Variants in WFDC8 observed in about 807,000 individuals in gnomAD.
The protein encoded by WFDC8 is WAP four-disulfide core domain 8.
Under a neutral mutation model 27.0 loss-of-function variants are expected in WFDC8, and 24 were observed. That is an observed-to-expected ratio of 0.89 (90% CI 0.64 to 1.25). The LOEUF (loss-of-function observed/expected upper bound fraction) is 1.25. Ranked by LOEUF, WFDC8 falls within the 50% of genes most tolerant of loss-of-function variation. The probability of loss-of-function intolerance (pLI) is 0.00; values close to 1 mark genes in which losing one functional copy is unlikely to be tolerated. For synonymous variants in WFDC8, 106 were observed against 99.7 expected (o/e 1.06, Z -0.38); for missense variants, 287 against 295.9 (o/e 0.97, Z 0.22).
intron 1 of WFDC8, among the ~76,000 whole-genome samples, chr20:45,571,646 G>A (rs1223939114): frequency 6.6e-6 from 1 of 151,998 alleles, no homozygotes; most frequent in East Asian, 1.9e-4. Flanking sequence ...CTGACCCCTG[G>A]CAACGGCCTC....
At chr20:45,568,727 G>A in intron 1 of WFDC8, 1 of 524,286 alleles carries the variant, frequency 1.9e-6, no homozygotes. Flanking sequence ...TGTGAGAGCA[G>A]ATGGTGACCC....
At chr20:45,572,912 A>C (rs1980919184) in intron 1 of WFDC8, among the ~76,000 whole-genome samples, 2 of 152,178 alleles carry the variant, frequency 1.3e-5, no homozygotes, top group Admixed American at 6.5e-5. Context: ...CAGCCTTTGT[A>C]TGCCTTCTTT....
At chr20:45,558,152 T>TGGCGGGG (rs1198025104) in intron 3 of WFDC8, among the ~76,000 whole-genome samples, 1 of 152,138 alleles carries the variant, frequency 6.6e-6, no homozygotes, top group Non-Finnish European at 1.5e-5. Context: ...AGTCATAGAA[T>TGGCGGGG]TGCCCCCGCT....
At chr20:45,578,901 A>G (rs929880266) in intron 1 of WFDC8, among the ~76,000 whole-genome samples, 2 of 152,210 alleles carry the variant, frequency 1.3e-5, no homozygotes, top group Middle Eastern at 3.4e-3. Flanking sequence ...ATCAGGTTGC[A>G]TTCGAGACCA....
intron 3 of WFDC8, among the ~76,000 whole-genome samples, chr20:45,556,836 A>T (rs1980275098): frequency 6.6e-6 from 1 of 152,188 alleles, no homozygotes. Context: ...AGTGGATTTT[A>T]CACGACAACC....
chr20:45,563,125 C>G (rs1980528579), intron 1 of WFDC8, among the ~76,000 whole-genome samples: 1 of 152,170 alleles, frequency 6.6e-6, no homozygotes, highest in Non-Finnish European at 1.5e-5. Flanking sequence ...ATTTATCTCC[C>G]CAACCTTTTT....
intron 2 of WFDC8, among the ~76,000 whole-genome samples, chr20:45,561,346 G>GCAAATAAA (rs1054761256): frequency 2.6e-5 from 4 of 152,080 alleles, no homozygotes; most frequent in African/African-American, 9.7e-5. Context: ...ATTTCGACCT[G>GCAAATAAA]CCTGGGAAAA....
At chr20:45,563,809 T>G (rs1256642044) in intron 1 of WFDC8, among the ~76,000 whole-genome samples, 1 of 152,202 alleles carries the variant, frequency 6.6e-6, no homozygotes, top group African/African-American at 2.4e-5. Context: ...CCTGAAAACA[T>G]CTATTAACCC....
At chr20:45,561,756 G>C (rs1261275568) in intron 2 of WFDC8, among the ~76,000 whole-genome samples, 4 of 151,782 alleles carry the variant, frequency 2.6e-5, no homozygotes, top group Non-Finnish European at 4.4e-5. Flanking sequence ...GTGTGTGTGT[G>C]TGTGTGTGTG....
rs754443487 is a variant in WFDC8, at chr20:45,552,046, A to G, written c.706T>C (p.Cys236Arg). 1.9e-5 allele frequency: 30 copies of G among 1,613,934 alleles called. No homozygotes were observed. The highest frequency in any genetic ancestry group is 2.2e-5 in the Non-Finnish European group (26 of 1,179,940). Reference sequence around the variant, plus strand: ...ACTATTCAACGTCTGGGGTCCATACATTTCAGTCCACAATGTGAGCAGCAC... The same window carrying G: ...ACTATTCAACGTCTGGGGTCCATACGTTTCAGTCCACAATGTGAGCAGCAC... ...EKCCSHCGLK[C>R]MDPRR Residue 236 changes from cysteine (C) to arginine (R), a missense_variant, in exon 6 of 6, where the codon TGT becomes CGT. Cys to Arg is a radical substitution (Grantham distance 180). Transcript: ENST00000289953.
At chr20:45,558,722 A>T in intron 3 of WFDC8, 130 bp downstream of exon 3, 1 of 1,101,284 alleles carries the variant, frequency 9.1e-7, no homozygotes, top group Non-Finnish European at 1.3e-6. Flanking sequence ...CTTGAGGGTT[A>T]GGCATTGAAT....
At chr20:45,576,300 T>C (rs530390889) in intron 1 of WFDC8, among the ~76,000 whole-genome samples, 18 of 151,592 alleles carry the variant, frequency 1.2e-4, no homozygotes, top group African/African-American at 4.3e-4. Flanking sequence ...CCTGATTTGA[T>C]TGGTTTAGGT....
rs1189114706 is a variant in WFDC8, at chr20:45,552,107, C to T, written c.645G>A (p.Lys215=). The part of the protein sequence containing the change: ...PLLCTKIDKP[K]CLQDEECPLV... ...ATGGGCACTCCTCATCCTGCAGGCACTTGGGTTTATCAATCTTGGTACATA... is the reference window on the plus strand; with the variant it reads ...ATGGGCACTCCTCATCCTGCAGGCATTTGGGTTTATCAATCTTGGTACATA... Residue 215 remains lysine (K), a synonymous_variant, in exon 6 of 6, where the codon AAG becomes AAA. Transcript: ENST00000289953. 1.2e-6 allele frequency: 2 copies of T among 1,614,116 alleles called. No homozygotes were observed. Among genetic ancestry groups the T allele is most frequent in the Middle Eastern group, 1.6e-4 (1 of 6,062 alleles).
intron 1 of WFDC8, among the ~76,000 whole-genome samples, chr20:45,573,209 C>G (rs991164877): frequency 2.0e-4 from 31 of 152,216 alleles, no homozygotes; most frequent in Admixed American, 2.0e-3. Flanking sequence ...TGTAATGGAG[C>G]TTTCCCCCTA....
chr20:45,568,119 G>A, intron 1 of WFDC8: 1 of 366,346 alleles, frequency 2.7e-6, no homozygotes, highest in Non-Finnish European at 5.5e-6. Flanking sequence ...AAAATGGTCT[G>A]AACTGAAAAT....
At chr20:45,568,822 G>T in intron 1 of WFDC8, 1 of 336,212 alleles carries the variant, frequency 3.0e-6, no homozygotes, top group East Asian at 6.1e-5. Flanking sequence ...GGATAGTGAG[G>T]TCTCCAGATG....
intron 4 of WFDC8, among the ~76,000 whole-genome samples, chr20:45,555,243 T>C (rs1037961726): frequency 7.9e-5 from 12 of 152,294 alleles, no homozygotes; most frequent in African/African-American, 2.9e-4. Context: ...TACTAAGGAA[T>C]GAATCCACAG....
chr20:45,568,569 C>G, intron 1 of WFDC8: 1 of 490,338 alleles, frequency 2.0e-6, no homozygotes, highest in Non-Finnish European at 4.2e-6. Context: ...CCAACACTAT[C>G]TCCAGTCACA....
At chr20:45,567,012 T>A (rs1445101315) in intron 1 of WFDC8, among the ~76,000 whole-genome samples, 1 of 152,220 alleles carries the variant, frequency 6.6e-6, no homozygotes, top group Admixed American at 6.5e-5. Context: ...TATACTGTAT[T>A]GGTTTTTATT....
Sources: gnomAD v4.1 joint callset for allele counts (sites outside exome capture counted in the v4.1 genomes callset) on GRCh38, gnomAD v4.1.1 for gene constraint, MANE v1.5 for transcripts, NCBI Gene and HGNC (gene_info 2026-07-23, HGNC 2026-07-21) for gene names.